The following APBB2 variants were observed in gnomAD, a reference collection of about 807,000 sequenced individuals.
APBB2 encodes Fe65-like 1.
Under a neutral mutation model 82.5 loss-of-function variants are expected in APBB2, and 38 were observed. That is an observed-to-expected ratio of 0.46 (90% CI 0.36 to 0.60). The LOEUF is 0.60. Among genes scored for constraint, APBB2 ranks in the 20% least tolerant of loss-of-function variants. APBB2 has a pLI of 0.00. For missense variants in APBB2, 772 were observed against 972.3 expected, an observed-to-expected ratio of 0.79 and a Z score of 2.74; for synonymous variants, 341 against 368.2, an observed-to-expected ratio of 0.93 and a Z score of 0.85.
chr4:41,171,320 T>C (rs1768177897), intron 1 of APBB2, among the ~76,000 whole-genome samples: 2 of 152,230 alleles, frequency 1.3e-5, no homozygotes, highest in Admixed American at 6.5e-5. Flanking sequence ...CAGTAGGCCC[T>C]GCCCAAGGAC....
chr4:40,831,849 G>C (rs1042266022), intron 12 of APBB2, among the ~76,000 whole-genome samples: 11 of 152,096 alleles, frequency 7.2e-5, no homozygotes, highest in African/African-American at 2.7e-4. Context: ...CCGATGTTGG[G>C]TGTTCGCATT....
At chr4:41,168,202 GAGCCTGCAGTGAGCCGA>G (rs68125035) in intron 1 of APBB2, among the ~76,000 whole-genome samples, 62,528 of 149,424 alleles carry the variant, frequency 0.42, 14,392 homozygotes, top group African/African-American at 0.62. Flanking sequence ...CCGGGAGGCG[GAGCCTGCAGTGAGCCGA>G]AGCCTGCAGT....
At chr4:40,986,270 T>TA (rs1800400768) in intron 6 of APBB2, among the ~76,000 whole-genome samples, 1 of 152,226 alleles carries the variant, frequency 6.6e-6, no homozygotes, top group African/African-American at 2.4e-5. Flanking sequence ...AGAGACTACT[T>TA]ACGCTCTCTG....
intron 4 of APBB2, among the ~76,000 whole-genome samples, chr4:41,049,218 A>G: frequency 2.2e-5 from 3 of 134,052 alleles, no homozygotes; most frequent in Admixed American, 7.4e-5. Flanking sequence ...GGATGTGAGG[A>G]GCGCCTCTGC....
intron 12 of APBB2, among the ~76,000 whole-genome samples, chr4:40,841,283 A>G (rs1047153774): frequency 1.3e-5 from 2 of 152,174 alleles, no homozygotes; most frequent in African/African-American, 4.8e-5. Context: ...CACAAAGAGG[A>G]GATCTGCCTT....
intron 1 of APBB2, among the ~76,000 whole-genome samples, chr4:41,172,849 G>C (rs1768698335): frequency 6.6e-6 from 1 of 152,144 alleles, no homozygotes; most frequent in South Asian, 2.1e-4. Context: ...TTTTTTTCAA[G>C]GATACTTTTT....
chr4:40,872,756 G>A (rs1765849516), intron 12 of APBB2, among the ~76,000 whole-genome samples: 1 of 151,462 alleles, frequency 6.6e-6, no homozygotes, highest in Non-Finnish European at 1.5e-5. Flanking sequence ...TACACAGGAA[G>A]AAATCTGGTT....
At chr4:41,201,191 G>T (rs1776607277) in intron 1 of APBB2, among the ~76,000 whole-genome samples, 1 of 151,758 alleles carries the variant, frequency 6.6e-6, no homozygotes, top group Non-Finnish European at 1.5e-5. Context: ...CTTGTTTAGG[G>T]TTACCACGCT....
intron 6 of APBB2, among the ~76,000 whole-genome samples, chr4:41,005,635 T>C (rs1806496430): frequency 6.6e-6 from 1 of 152,170 alleles, no homozygotes; most frequent in South Asian, 2.1e-4. Context: ...CTACCTCCAG[T>C]TGCTTCCTAA....
At chr4:41,173,019 C>T (rs16852848) in intron 1 of APBB2, among the ~76,000 whole-genome samples, 2,950 of 152,268 alleles carry the variant, frequency 0.019, 89 homozygotes, top group African/African-American at 0.068. Flanking sequence ...TCTGCAGCCT[C>T]GCTGTCATCT....
chr4:41,034,011 A>G (rs1718128290), intron 4 of APBB2, among the ~76,000 whole-genome samples: 1 of 152,256 alleles, frequency 6.6e-6, no homozygotes, highest in Admixed American at 6.5e-5. Flanking sequence ...AGGACAGGAC[A>G]CTGGAAACAG....
At chr4:40,969,840 A>T (rs907989645) in intron 6 of APBB2, among the ~76,000 whole-genome samples, 4 of 152,246 alleles carry the variant, frequency 2.6e-5, no homozygotes, top group Non-Finnish European at 4.4e-5. Context: ...GTTACCCAAT[A>T]TAATATCTTT....
intron 1 of APBB2, among the ~76,000 whole-genome samples, chr4:41,198,829 C>T (rs1426328991): frequency 1.3e-5 from 2 of 152,210 alleles, no homozygotes; most frequent in African/African-American, 4.8e-5. Flanking sequence ...CCCCAAGCAT[C>T]CCTTGGTTTG....
chr4:41,015,928 A>T (rs1003978700), intron 5 of APBB2, among the ~76,000 whole-genome samples: 119 of 135,542 alleles, frequency 8.8e-4, no homozygotes, highest in Admixed American at 1.6e-3. Context: ...CAATTAAATT[A>T]AAAAAAAACA....
intron 12 of APBB2, among the ~76,000 whole-genome samples, chr4:40,837,274 C>T (rs1379098689): frequency 2.6e-5 from 4 of 152,282 alleles, no homozygotes; most frequent in South Asian, 2.1e-4. Flanking sequence ...GCATGGGACA[C>T]GGGGGCTGGC....
chr4:41,196,091 G>A, intron 1 of APBB2, among the ~76,000 whole-genome samples: 67 of 151,872 alleles, frequency 4.4e-4, no homozygotes, highest in Non-Finnish European at 8.5e-4. Context: ...CCCGGGAGGC[G>A]GAGCTTGCAG....
At chr4:40,916,892 G>A (rs1046978941) in intron 10 of APBB2, among the ~76,000 whole-genome samples, 1 of 152,192 alleles carries the variant, frequency 6.6e-6, no homozygotes, top group African/African-American at 2.4e-5. Flanking sequence ...TGAGTGTGGA[G>A]TCTGTGGTGG....
intron 10 of APBB2, among the ~76,000 whole-genome samples, chr4:40,924,624 C>T (rs893610090): frequency 1.3e-5 from 2 of 152,140 alleles, no homozygotes; most frequent in African/African-American, 2.4e-5. Flanking sequence ...CCCTGGAGGA[C>T]GTGAGGAGGA....
intron 6 of APBB2, among the ~76,000 whole-genome samples, chr4:40,949,975 C>G (rs1017240111): frequency 6.6e-6 from 1 of 152,082 alleles, no homozygotes; most frequent in African/African-American, 2.4e-5. Context: ...CACTGGACAG[C>G]CTAAAACGCA....
Sources: allele counts gnomAD v4.1 joint callset (sites outside exome capture counted in the v4.1 genomes callset), GRCh38; gene constraint gnomAD v4.1.1; transcripts MANE v1.5; gene names NCBI Gene and HGNC (gene_info 2026-07-23, HGNC 2026-07-21).